C17orf99: variants seen among roughly 807,000 people sequenced by gnomAD.
C17orf99 encodes the protein protein IL-40.
C17orf99 carries 18 observed loss-of-function variants against 22.6 expected under a neutral mutation model. That is an observed-to-expected ratio of 0.80 (90% CI 0.55 to 1.18). The LOEUF (loss-of-function observed/expected upper bound fraction) is 1.18. Ranked by LOEUF, C17orf99 falls within the 50% of genes most tolerant of loss-of-function variation. The pLI is 0.00. For missense variants in C17orf99, 328 were observed against 342.7 expected (o/e 0.96, Z 0.34); for synonymous variants, 147 against 136.6 (o/e 1.08, Z -0.53).
intron 2 of C17orf99, 51 bp from the exon 3 acceptor site, chr17:78,160,904 C>G (rs1364157554): frequency 2.1e-6 from 3 of 1,461,764 alleles, no homozygotes; most frequent in Non-Finnish European, 2.8e-6. Context: ...TCTTAAGGTG[C>G]TTGATCAATG....
chr17:78,154,903 G>T (rs900441753), intron 2 of C17orf99, among the ~76,000 whole-genome samples: 1 of 151,964 alleles, frequency 6.6e-6, no homozygotes, highest in African/African-American at 2.4e-5. Flanking sequence ...TTTCAAAGGG[G>T]CACAGATGAG....
chr17:78,150,150 A>G (rs2075470180), intron 2 of C17orf99, among the ~76,000 whole-genome samples: 2 of 152,042 alleles, frequency 1.3e-5, no homozygotes, highest in Admixed American at 1.3e-4. Flanking sequence ...CTGGGACTAT[A>G]GGCATGCACC....
intron 3 of C17orf99, among the ~76,000 whole-genome samples, chr17:78,161,680 C>T (rs966119849): frequency 2.0e-5 from 3 of 152,026 alleles, no homozygotes; most frequent in African/African-American, 7.2e-5. Context: ...CCTGTTCCTA[C>T]TAAAATTACA....
intron 2 of C17orf99, among the ~76,000 whole-genome samples, chr17:78,154,601 G>GA (rs57946184): frequency 0.11 from 11,233 of 103,158 alleles, 914 homozygotes; most frequent in African/African-American, 0.27. Context: ...CCAGCACTTT[G>GA]GGGGGCTGAG....
rs1305851569 is a variant in C17orf99, at chr17:78,166,170, A to C, written c.*124A>C. 8 of 405,028 alleles carry C rather than the reference A, an allele frequency of 2.0e-5. No homozygotes were observed. Among genetic ancestry groups the C allele is most frequent in the Non-Finnish European group, 3.0e-5 (7 of 229,586 alleles). 25.1% of individuals were successfully genotyped at this position (405,028 alleles called of 1,614,324 possible). A position where few individuals can be genotyped will look rare whatever the true frequency, so the allele number is the denominator to read the frequency against. ...GCTCTTGCCACAAAAAAAAAAAAAA[A>C]AAAAAAAGGGTAACTATGAGAGATG... On this transcript the variant is annotated 3_prime_UTR_variant, in exon 5 of 5. Transcript: ENST00000340363.
At chr17:78,148,458 T>C (rs902858173) in intron 2 of C17orf99, among the ~76,000 whole-genome samples, 1 of 151,914 alleles carries the variant, frequency 6.6e-6, no homozygotes, top group Non-Finnish European at 1.5e-5. Flanking sequence ...GTCCGGGAAG[T>C]GAGGCTGCAG....
At chr17:78,164,667 G>A in intron 4 of C17orf99, 1 of 1,446,648 alleles carries the variant, frequency 6.9e-7, no homozygotes. Flanking sequence ...GGCCAGGTAG[G>A]AAATGGGTGC....
chr17:78,160,342 C>T (rs1353568435), intron 2 of C17orf99, among the ~76,000 whole-genome samples: 2 of 151,966 alleles, frequency 1.3e-5, no homozygotes, highest in Non-Finnish European at 2.9e-5. Context: ...TTGAGACCAG[C>T]CTGACCAACA....
intron 4 of C17orf99, chr17:78,164,880 A>ACACAT (rs1348805385): frequency 3.8e-5 from 45 of 1,179,374 alleles, no homozygotes; most frequent in South Asian, 2.3e-4. Flanking sequence ...TCAAGGCGTT[A>ACACAT]TCGGACCCTG....
At chr17:78,157,195 G>A (rs2075532577) in intron 2 of C17orf99, among the ~76,000 whole-genome samples, 1 of 151,924 alleles carries the variant, frequency 6.6e-6, no homozygotes, top group South Asian at 2.1e-4. Context: ...GCCGGGCACG[G>A]TGGCTCACAC....
At chr17:78,160,534 T>TTA (rs2075565419) in intron 2 of C17orf99, among the ~76,000 whole-genome samples, 2 of 135,240 alleles carry the variant, frequency 1.5e-5, no homozygotes, top group African/African-American at 2.8e-5. Flanking sequence ...AGACTCCATC[T>TTA]AAAAAAAAAA....
At chr17:78,145,626 A>G (rs940945225), upstream of C17orf99, among the ~76,000 whole-genome samples, 13 of 151,866 alleles carry the variant, frequency 8.6e-5, no homozygotes, top group African/African-American at 3.1e-4. Flanking sequence ...GCCTTTTCTC[A>G]GCCCAGCAGG....
Position 78,146,868 on chromosome 17 carries a change from C to G in C17orf99, c.38-11C>G, listed in dbSNP as rs1380432613. ...CAGGCCCTCTCCTTATCGCCCTTACCTCTCTTACAGCTGCCAGCAGCTTCT... is the reference window on the plus strand; with the variant it reads ...CAGGCCCTCTCCTTATCGCCCTTACGTCTCTTACAGCTGCCAGCAGCTTCT... On this transcript the variant is annotated splice_polypyrimidine_tract_variant and intron_variant, in intron 1 of 4. Transcript: ENST00000340363. The surrounding 1 kb of genome is among the most constrained non-coding windows in gnomAD (Gnocchi z 5.2). The G allele has an allele frequency of 6.4e-7, 1 of 1,551,400 alleles. No homozygotes were observed. Among genetic ancestry groups the G allele is most frequent in the Non-Finnish European group, 8.7e-7 (1 of 1,146,746 alleles).
At chr17:78,163,269 A>T (rs1340159952) in intron 3 of C17orf99, among the ~76,000 whole-genome samples, 2 of 151,988 alleles carry the variant, frequency 1.3e-5, no homozygotes, top group Admixed American at 6.6e-5. Flanking sequence ...AATAGGTCCT[A>T]CTTCAGGGGA....
chr17:78,159,633 C>T (rs1326006601), intron 2 of C17orf99, among the ~76,000 whole-genome samples: 5 of 151,476 alleles, frequency 3.3e-5, no homozygotes, highest in Admixed American at 2.0e-4. Flanking sequence ...TTTAGTGCAT[C>T]CATAGTGTTG....
intron 2 of C17orf99, among the ~76,000 whole-genome samples, chr17:78,150,899 G>C (rs1173233446): frequency 6.6e-6 from 1 of 152,162 alleles, no homozygotes; most frequent in Non-Finnish European, 1.5e-5. Context: ...GAGGTAGGCG[G>C]ATCACTTGAG....
At chr17:78,161,703 G>T (rs997473666) in intron 3 of C17orf99, among the ~76,000 whole-genome samples, 1 of 152,070 alleles carries the variant, frequency 6.6e-6, no homozygotes. Context: ...GATTAGCTGG[G>T]CGTGGCGGGG....
At chr17:78,155,668 C>T (rs2075519896) in intron 2 of C17orf99, among the ~76,000 whole-genome samples, 3 of 152,062 alleles carry the variant, frequency 2.0e-5, no homozygotes, top group Admixed American at 6.6e-5. Flanking sequence ...GCTCTGTCAC[C>T]CATGCTAGAG....
intron 2 of C17orf99, among the ~76,000 whole-genome samples, chr17:78,149,778 C>T (rs377099966): frequency 6.6e-6 from 1 of 151,782 alleles, no homozygotes; most frequent in Non-Finnish European, 1.5e-5. Context: ...GGTGCAATCT[C>T]GGCTCACTGC....
Sources: gnomAD v4.1 joint callset for allele counts (sites outside exome capture counted in the v4.1 genomes callset) on GRCh38, gnomAD v4.1.1 for gene constraint, Gnocchi (gnomAD v3.1) non-coding constraint, MANE v1.5 for transcripts, NCBI Gene and HGNC (gene_info 2026-07-23, HGNC 2026-07-21) for gene names.